GATD1: variants seen among roughly 807,000 people sequenced by gnomAD.
The protein encoded by GATD1 is glutamine amidotransferase-like class 1 domain-containing protein 1.
A neutral mutation model predicts 25.9 loss-of-function variants in GATD1; 23 were observed. The observed-to-expected ratio is 0.89, with a 90% confidence interval of 0.64 to 1.26. GATD1 has a LOEUF of 1.26. Among genes scored for constraint, GATD1 ranks in the 50% most tolerant of loss-of-function variants. The pLI, the probability that GATD1 is intolerant of heterozygous loss-of-function variation, is 0.00. For missense variants in GATD1, 347 were observed against 312.5 expected (o/e 1.11, Z -0.83); for synonymous variants, 177 against 134.6 (o/e 1.31, Z -2.18).
chr11:770,469 C>T lies in GATD1; in HGVS notation c.*428G>A. On this transcript the variant is annotated 3_prime_UTR_variant, in exon 8 of 8. Transcript: ENST00000319863. The stretch of plus-strand genomic sequence containing the variant: ...CGCCGGCTGGGCCCTCCCCTCAAGG[C>T]CCCCACCAACAGTGAAAGAGGTGGT... 2.1e-6 allele frequency: 3 copies of T among 1,455,122 alleles called. No homozygotes were observed. Among genetic ancestry groups the T allele is most frequent in the East Asian group, 2.5e-5 (1 of 39,980 alleles). 90.1% of individuals were successfully genotyped at this position (1,455,122 alleles called of 1,614,324 possible). A position where few individuals can be genotyped will look rare whatever the true frequency, so the allele number is the denominator to read the frequency against.
intron 4 of GATD1, chr11:772,729 C>G: frequency 1.7e-6 from 1 of 593,934 alleles, no homozygotes; most frequent in Non-Finnish European, 3.0e-6. Flanking sequence ...GGAGCTGGTG[C>G]TTCAGGACTA....
chr11:773,583 C>A lies in GATD1; in HGVS notation c.294G>T (p.Leu98=). 1 of 1,609,468 alleles carries A rather than the reference C, an allele frequency of 6.2e-7. No individual in the cohort carries two copies. The highest frequency in any genetic ancestry group is 1.1e-5 in the South Asian group (1 of 90,698). ...GGGAGCCACTGCTGGCCAGGTCGGT[C>A]AGGGCCCCAGGACAGCTGGGGATCA... ...ALLIPSCPGA[L]TDLASSGSLA... is the part of the protein sequence containing the mutation. The change falls in exon 4 of 8, where the codon CTG becomes CTT. Residue 98 remains leucine (L), a synonymous_variant. Transcript: ENST00000319863.
Position 769,147 on chromosome 11 carries a change from C to G in GATD1, c.*1750G>C. 1 of 985,246 alleles carries G rather than the reference C, an allele frequency of 1.0e-6. No individual in the cohort carries two copies. Among genetic ancestry groups the G allele is most frequent in the South Asian group, 4.7e-5 (1 of 21,264 alleles). 61.0% of individuals were successfully genotyped at this position (985,246 alleles called of 1,614,324 possible). ...AGCATTTGTCCACAGAGGTCCATCA[C>G]CACACGGGGATGAGAGTGGACCCGG... On this transcript the variant is annotated 3_prime_UTR_variant, in exon 8 of 8. Coordinates refer to ENST00000319863, the MANE Select transcript of GATD1 (RefSeq NM_182612.4).
Position 767,409 on chromosome 11 carries a change from C to T in GATD1, c.*3488G>A, listed in dbSNP as rs956428425. 10 of 1,524,676 alleles carry T rather than the reference C, an allele frequency of 6.6e-6. No individual in the cohort carries two copies. Among genetic ancestry groups the T allele is most frequent in the South Asian group, 1.2e-5 (1 of 82,738 alleles). 94.4% of individuals were successfully genotyped at this position (1,524,676 alleles called of 1,614,324 possible). On this transcript the variant is annotated 3_prime_UTR_variant, in exon 8 of 8. Transcript: ENST00000319863. ...GAGAACTGTGCACAGCGGGGAGGCT[C>T]TCCAAGCCAGAGGCCTCGCACGCAG...
At chr11:776,880 G>T (rs1294699415) in intron 1 of GATD1, 1 of 152,332 alleles carries the variant, frequency 6.6e-6, no homozygotes, top group Non-Finnish European at 1.5e-5. Context: ...CTTGCCCCAG[G>T]ACGGGGGCCG....
chr11:768,797 T>A lies in GATD1; in HGVS notation c.*2100A>T, dbSNP rs1260616637. The A allele has an allele frequency of 6.6e-6, 1 of 152,082 alleles. No individual in the cohort carries two copies. Among genetic ancestry groups the A allele is most frequent in the Admixed American group, 6.6e-5 (1 of 15,260 alleles). The allele number at this position is 152,082 out of a possible 1,614,324, so 9.4% of individuals were successfully genotyped here. A position where few individuals can be genotyped will look rare whatever the true frequency, so the allele number is the denominator to read the frequency against. On this transcript the variant is annotated 3_prime_UTR_variant, in exon 8 of 8. Transcript: ENST00000319863. Reference sequence around the variant, plus strand: ...GCCTGGCCAACATGATGAAACCCCATCTCTACTAAAAACAAAAATTACGCC... The same window carrying A: ...GCCTGGCCAACATGATGAAACCCCAACTCTACTAAAAACAAAAATTACGCC...
chr11:770,657 G>A lies in GATD1; in HGVS notation c.*240C>T, dbSNP rs575269486. The A allele has an allele frequency of 1.4e-6, 2 of 1,419,186 alleles. No homozygotes were observed. The highest frequency in any genetic ancestry group is 1.8e-6 in the Non-Finnish European group (2 of 1,090,544). The allele number at this position is 1,419,186 out of a possible 1,614,324, so 87.9% of individuals were successfully genotyped here. A position where few individuals can be genotyped will look rare whatever the true frequency, so the allele number is the denominator to read the frequency against. ...GCTAGCACAGCTCTCCAGGCACGTG[G>A]GGTCTTTTCTCTGCCTCCTACCAGA... On this transcript the variant is annotated 3_prime_UTR_variant, in exon 8 of 8. Coordinates refer to ENST00000319863, the MANE Select transcript of GATD1 (RefSeq NM_182612.4).
intron 5 of GATD1, 188 bp from the exon 6 acceptor site, chr11:771,614 T>G: frequency 7.3e-7 from 1 of 1,360,950 alleles, no homozygotes; most frequent in Middle Eastern, 2.7e-4. Flanking sequence ...CATCTTCCCA[T>G]GGGGTGTCCC....
rs889534869 is a variant in GATD1, at chr11:777,347, C to T, written c.64+52G>A. On this transcript the variant is annotated intron_variant, in intron 1 of 7. Coordinates refer to ENST00000319863, the MANE Select transcript of GATD1 (RefSeq NM_182612.4). ...CGTGTCCCGAACCTCCCGCCCCGGG[C>T]AGCCCCCTCGCGGACGCTCTTCGGA... 28 of 1,241,106 alleles carry T rather than the reference C, an allele frequency of 2.3e-5. No individual in the cohort carries two copies. The African/African-American group carries it at 2.4e-4, about 11-fold the overall frequency. 76.9% of individuals were successfully genotyped at this position (1,241,106 alleles called of 1,614,324 possible).
chr11:769,851 C>G lies in GATD1; in HGVS notation c.*1046G>C, dbSNP rs1414672310. On this transcript the variant is annotated 3_prime_UTR_variant, in exon 8 of 8. Coordinates refer to ENST00000319863, the MANE Select transcript of GATD1 (RefSeq NM_182612.4). Reference sequence around the variant, plus strand: ...CAGGATGGTCTCGATCTCCTGACCTCGTGATCCGCCCGCCTCGGCCTCCCA... The same window carrying G: ...CAGGATGGTCTCGATCTCCTGACCTGGTGATCCGCCCGCCTCGGCCTCCCA... 3.5e-6 allele frequency: 3 copies of G among 858,650 alleles called. No homozygotes were observed. In the South Asian group the frequency reaches 1.6e-4, roughly 46 times the overall value. The allele number at this position is 858,650 out of a possible 1,614,324, so 53.2% of individuals were successfully genotyped here. A position where few individuals can be genotyped will look rare whatever the true frequency, so the allele number is the denominator to read the frequency against.
Position 769,165 on chromosome 11 carries a change from G to C in GATD1, c.*1732C>G, listed in dbSNP as rs1353327631. On this transcript the variant is annotated 3_prime_UTR_variant, in exon 8 of 8. Transcript: ENST00000319863. Reference sequence around the variant, plus strand: ...TCCATCACCACACGGGGATGAGAGTGGACCCGGGACAGAGCAAGGCCCCGT... The same window carrying C: ...TCCATCACCACACGGGGATGAGAGTCGACCCGGGACAGAGCAAGGCCCCGT... 1 of 985,266 alleles carries C rather than the reference G, an allele frequency of 1.0e-6. No homozygotes were observed. The highest frequency in any genetic ancestry group is 1.2e-6 in the Non-Finnish European group (1 of 829,940). 61.0% of individuals were successfully genotyped at this position (985,266 alleles called of 1,614,324 possible).
Position 770,095 on chromosome 11 carries a change from A to C in GATD1, c.*802T>G. 1 of 1,213,924 alleles carries C rather than the reference A, an allele frequency of 8.2e-7. No individual in the cohort carries two copies. Among genetic ancestry groups the C allele is most frequent in the East Asian group, 3.3e-5 (1 of 30,080 alleles). The allele number at this position is 1,213,924 out of a possible 1,614,324, so 75.2% of individuals were successfully genotyped here. A position where few individuals can be genotyped will look rare whatever the true frequency, so the allele number is the denominator to read the frequency against. On this transcript the variant is annotated 3_prime_UTR_variant, in exon 8 of 8. Coordinates refer to ENST00000319863, the MANE Select transcript of GATD1 (RefSeq NM_182612.4). ...GGCCTAAGCCTCTCCTGGACGCCCTAACCTGGGGCCAGGGGGCAGCCCGCT... is the reference window on the plus strand; with the variant it reads ...GGCCTAAGCCTCTCCTGGACGCCCTCACCTGGGGCCAGGGGGCAGCCCGCT...
intron 4 of GATD1, chr11:773,185 C>T (rs1863619120): frequency 3.0e-6 from 1 of 328,418 alleles, no homozygotes; most frequent in Non-Finnish European, 5.7e-6. Context: ...TTCCTCCCTG[C>T]ACCCCTGCTG....
At position 774,094 on chromosome 11, in the gene GATD1, A is replaced by G; in HGVS notation, c.161T>C (p.Val54Ala). ...GCGTGCATTGCTCTCAGTCACATCCACAAATTCCATGGCTTTCCCCTGGAG... is the reference window on the plus strand; with the variant it reads ...GCGTGCATTGCTCTCAGTCACATCCGCAAATTCCATGGCTTTCCCCTGGAG... Reference protein sequence around the residue: ...ATPGGKAMEFVDVTESNARWV... With the variant: ...ATPGGKAMEFADVTESNARWV... Residue 54 changes from valine to alanine, a missense_variant, in exon 3 of 8, where the codon GTG (valine) becomes GCG (alanine). Coordinates refer to ENST00000319863, the MANE Select transcript of GATD1 (RefSeq NM_182612.4). 1.2e-6 allele frequency: 2 copies of G among 1,613,676 alleles called. No homozygotes were observed. The highest frequency in any genetic ancestry group is 4.5e-5 in the East Asian group (2 of 44,880).
Position 777,418 on chromosome 11 carries a change from C to T in GATD1, c.45G>A (p.Val15=). ...RLPNRPACLL[V]ASGAAEGVSA... is the part of the protein sequence containing the mutation. Reference sequence around the variant, plus strand: ...CCTCACCTTCGGCGGCGCCGCTGGCCACGAGCAGACAGGCGGGCCTGTTAG... The same window carrying T: ...CCTCACCTTCGGCGGCGCCGCTGGCTACGAGCAGACAGGCGGGCCTGTTAG... Residue 15 remains valine (V), a synonymous_variant, in exon 1 of 8, where the codon GTG becomes GTA. Coordinates refer to ENST00000319863, the MANE Select transcript of GATD1 (RefSeq NM_182612.4). 2 of 1,291,786 alleles carry T rather than the reference C, an allele frequency of 1.5e-6. No individual in the cohort carries two copies. The highest frequency in any genetic ancestry group is 1.6e-5 in the African/African-American group (1 of 64,212). 80.0% of individuals were successfully genotyped at this position (1,291,786 alleles called of 1,614,324 possible). A position where few individuals can be genotyped will look rare whatever the true frequency, so the allele number is the denominator to read the frequency against.
chr11:775,012 G>T, intron 2 of GATD1, 54 bp downstream of exon 2: 1 of 1,510,188 alleles, frequency 6.6e-7, no homozygotes, highest in South Asian at 1.2e-5. Flanking sequence ...CTTGCCCCCG[G>T]AGAGGTGGAG....
rs1863310207 is a variant in GATD1, at chr11:770,220, G to A, written c.*677C>T. On this transcript the variant is annotated 3_prime_UTR_variant, in exon 8 of 8. Coordinates refer to ENST00000319863, the MANE Select transcript of GATD1 (RefSeq NM_182612.4). ...CCACTGTGCAAGGCCGTGGGGGACA[G>A]CACTTTCCTATCATTGAGAATCTCA... 1 of 1,380,196 alleles carries A rather than the reference G, an allele frequency of 7.2e-7. No individual in the cohort carries two copies. Among genetic ancestry groups the A allele is most frequent in the African/African-American group, 1.5e-5 (1 of 68,784 alleles). 85.5% of individuals were successfully genotyped at this position (1,380,196 alleles called of 1,614,324 possible).
Position 777,477 on chromosome 11 carries a change from G to T in GATD1, c.-15C>A, listed in dbSNP as rs1483001912. On this transcript the variant is annotated 5_prime_UTR_variant, in exon 1 of 8. Transcript: ENST00000319863. ...TCGGACGCCATGGCTCGGGCTCGGCGCTGGGTCTGCGCGTGCGCGGCGTCT... is the reference window on the plus strand; with the variant it reads ...TCGGACGCCATGGCTCGGGCTCGGCTCTGGGTCTGCGCGTGCGCGGCGTCT... 4.9e-6 allele frequency: 6 copies of T among 1,217,282 alleles called. No individual in the cohort carries two copies. The highest frequency in any genetic ancestry group is 5.1e-6 in the Non-Finnish European group (5 of 976,590). 75.4% of individuals were successfully genotyped at this position (1,217,282 alleles called of 1,614,324 possible). A position where few individuals can be genotyped will look rare whatever the true frequency, so the allele number is the denominator to read the frequency against.
At chr11:773,399 C>G (rs992752162) in intron 4 of GATD1, 123 bp downstream of exon 4, 11 of 787,444 alleles carry the variant, frequency 1.4e-5, no homozygotes, top group Non-Finnish European at 2.1e-5. Flanking sequence ...ACTGCAGTGG[C>G]CACTGACCAG....
Sources: allele counts gnomAD v4.1 joint callset, GRCh38; gene constraint gnomAD v4.1.1; transcripts MANE v1.5; gene names NCBI Gene and HGNC (gene_info 2026-07-23, HGNC 2026-07-21).